F5: variants seen among roughly 807,000 people sequenced by gnomAD.
The protein encoded by F5 is activated protein c cofactor.
F5 carries 138 observed loss-of-function variants against 216.4 expected under a neutral mutation model. The observed-to-expected ratio is 0.64, with a 90% CI of 0.56 to 0.73. The LOEUF is 0.73. F5 is among the 30% of genes least tolerant of loss of function. F5 has a pLI of 0.00. For synonymous variants in F5, 916 were observed against 930.7 expected (o/e 0.98, Z 0.29); for missense variants, 2,403 against 2,674.0 (o/e 0.90, Z 2.24).
At chr1:169,582,398 C>A in intron 2 of F5, 33 bp downstream of exon 2, 1 of 1,207,424 alleles carries the variant, frequency 8.3e-7, no homozygotes. Context: ...AGAAATTTAT[C>A]TTTAAAATTA....
intron 11 of F5, among the ~76,000 whole-genome samples, chr1:169,545,397 G>A (rs1659974000): frequency 6.6e-6 from 1 of 152,144 alleles, no homozygotes; most frequent in African/African-American, 2.4e-5. Context: ...AATAAAGTAA[G>A]TCTCATTAAT....
chr1:169,537,125 T>G lies in F5; in HGVS notation c.4797-445A>C, dbSNP rs368836451. 3.1e-4 allele frequency among the ~76,000 whole-genome samples: 47 copies of G among 152,136 alleles called. 1 individual carries two copies. In the East Asian group the frequency reaches 4.8e-3, roughly 16 times the overall value. ...AGTTTGCTCATAGTACTCTCTCCAGTGGTAAGCACATTATCTGACACACAG... is the reference window on the plus strand; with the variant it reads ...AGTTTGCTCATAGTACTCTCTCCAGGGGTAAGCACATTATCTGACACACAG... On this transcript the variant is annotated intron_variant, in intron 13 of 24. Transcript: ENST00000367797.
chr1:169,539,628 G>T (rs1387185451), intron 13 of F5, among the ~76,000 whole-genome samples: 5 of 152,194 alleles, frequency 3.3e-5, no homozygotes, highest in African/African-American at 9.7e-5. Context: ...TTACACTTTG[G>T]TTTTTTAAGT....
rs1660005351 is a variant in F5, at chr1:169,546,520, T to G, written c.1684A>C (p.Asn562His). 1.2e-6 allele frequency: 2 copies of G among 1,614,058 alleles called. No individual in the cohort carries two copies. The highest frequency in any genetic ancestry group is 2.7e-5 in the African/African-American group (2 of 74,908). ...DENKSWYLEDNINKFCENPDE... is the reference protein window; with the variant it reads ...DENKSWYLEDHINKFCENPDE... ...GGATTTTCACAAAACTTGTTGATGT[T>G]GTCCTCAAGGTACCAGCTTTTGTTC... The change falls in exon 11 of 25, where the codon AAC becomes CAC. Residue 562 changes from asparagine (N) to histidine (H), a missense_variant. By Grantham distance (68) the Asn-to-His change is moderately conservative. Coordinates refer to ENST00000367797, the MANE Select transcript of F5 (RefSeq NM_000130.5).
intron 19 of F5, among the ~76,000 whole-genome samples, chr1:169,524,395 G>A (rs1368034783): frequency 6.6e-6 from 1 of 152,190 alleles, no homozygotes; most frequent in Non-Finnish European, 1.5e-5. Flanking sequence ...TGGCTGATAA[G>A]ACCCTGTGAA....
chr1:169,531,148 C>T (rs1659588349), intron 14 of F5, 126 bp from the exon 15 acceptor site: 2 of 724,992 alleles, frequency 2.8e-6, no homozygotes, highest in Non-Finnish European at 4.8e-6. Flanking sequence ...TACAAAATAA[C>T]TTATGTATAT....
chr1:169,549,926 T>C lies in F5; in HGVS notation c.1486A>G (p.Asn496Asp), dbSNP rs778260957. The C allele has an allele frequency of 1.2e-6, 2 of 1,614,166 alleles. No individual in the cohort carries two copies. The highest frequency in any genetic ancestry group is 2.2e-5 in the South Asian group (2 of 91,080). The change falls in exon 10 of 25, where the codon AAT becomes GAT. Residue 496 changes from asparagine (N) to aspartate (D), a missense_variant. By Grantham distance (23) the Asn-to-Asp change is conservative (BLOSUM62 1). This residue lies in a region of F5 where 1,425 missense variants were observed against 1,554.8 expected (regional missense o/e 0.92). Coordinates refer to ENST00000367797, the MANE Select transcript of F5 (RefSeq NM_000130.5). The stretch of plus-strand genomic sequence containing the variant: ...GGTCTTGTTAAGCACTGGGCATCAT[T>C]TTCTGTGGGTTCATCAAACTCTAAG... ...NILEFDEPTE[N>D]DAQCLTRPYY...
chr1:169,513,605 A>G lies in F5; in HGVS notation c.*708T>C, dbSNP rs1444062758. Among the ~76,000 whole-genome samples, 2 of 152,076 alleles carry G rather than the reference A, an allele frequency of 1.3e-5. No homozygotes were observed. Among genetic ancestry groups the G allele is most frequent in the Admixed American group, 6.6e-5 (1 of 15,248 alleles). ...CCAGTAGGTGAAATTATGTTTTGAA[A>G]CTGTGTGCCATGTAGTACCAGCTAG... is the stretch of plus-strand genomic sequence containing the variant. On this transcript the variant is annotated 3_prime_UTR_variant, in exon 25 of 25. Transcript: ENST00000367797.
At chr1:169,583,313 G>A (rs879945006) in intron 1 of F5, among the ~76,000 whole-genome samples, 1 of 152,218 alleles carries the variant, frequency 6.6e-6, no homozygotes, top group Non-Finnish European at 1.5e-5. Flanking sequence ...CCTTGCAAAT[G>A]TCTAAATCAG....
At chr1:169,523,697 AT>A in intron 20 of F5, 103 bp downstream of exon 20, 1 of 1,070,058 alleles carries the variant, frequency 9.3e-7, no homozygotes, top group East Asian at 2.4e-5. Context: ...AGTACTTGCT[AT>A]TTCCCCTAAC....
chr1:169,580,078 T>TA (rs1166414434), intron 2 of F5, among the ~76,000 whole-genome samples: 1 of 152,186 alleles, frequency 6.6e-6, no homozygotes, highest in African/African-American at 2.4e-5. Context: ...TGCCTTGGTT[T>TA]AAAATGCATC....
At chr1:169,558,655 C>T (rs1318388180) in intron 5 of F5, among the ~76,000 whole-genome samples, 1 of 152,080 alleles carries the variant, frequency 6.6e-6, no homozygotes, top group Non-Finnish European at 1.5e-5. Context: ...ATGATTTTGC[C>T]TTCTCATAAG....
In F5 at chr1:169,520,503, G is replaced by T. The variant is rs1659272148; in HGVS notation, c.6193+17C>A. On this transcript the variant is annotated intron_variant, in intron 22 of 24. Transcript: ENST00000367797. ...CTTTGAGTGGCAGTGAGAAAATAATGCATCTTTGTACCTTACCATTTACCT... is the reference window on the plus strand; with the variant it reads ...CTTTGAGTGGCAGTGAGAAAATAATTCATCTTTGTACCTTACCATTTACCT... 6.2e-7 allele frequency: 1 copy of T among 1,613,750 alleles called. No homozygotes were observed. Among genetic ancestry groups the T allele is most frequent in the Middle Eastern group, 1.7e-4 (1 of 6,056 alleles).
chr1:169,540,652 C>T lies in F5; in HGVS notation c.4438G>A (p.Glu1480Lys), dbSNP rs777605221. ...CCAAGGTCTGGATAAGGAAAAGACT[C>T]ATTAAATTCTTGAAGAAGCAATGAC... The part of the protein sequence containing the change: ...SQSLLLQEFN[E>K]SFPYPDLGQM... The change falls in exon 13 of 25, where the codon GAG becomes AAG. Residue 1480 changes from glutamate (E) to lysine (K), a missense_variant. Coordinates refer to ENST00000367797, the MANE Select transcript of F5 (RefSeq NM_000130.5). The T allele has an allele frequency of 6.2e-6, 10 of 1,613,770 alleles. No homozygotes were observed. In the African/African-American group the frequency reaches 1.2e-4, roughly 19 times the overall value.
intron 21 of F5, 59 bp downstream of exon 21, chr1:169,523,138 A>G: frequency 6.4e-7 from 1 of 1,573,048 alleles, no homozygotes; most frequent in Non-Finnish European, 8.8e-7. Context: ...AGGTATAGTC[A>G]TAATAATTCT....
chr1:169,569,717 G>C (rs1321013041), intron 3 of F5, among the ~76,000 whole-genome samples: 1 of 152,050 alleles, frequency 6.6e-6, no homozygotes, highest in Non-Finnish European at 1.5e-5. Flanking sequence ...ATCACCGTTT[G>C]TCCATTCTGT....
intron 5 of F5, among the ~76,000 whole-genome samples, chr1:169,557,606 A>G (rs965253894): frequency 6.6e-6 from 1 of 152,108 alleles, no homozygotes; most frequent in African/African-American, 2.4e-5. Context: ...TTGCTCCTAC[A>G]GTCACTGGGA....
In F5 at chr1:169,542,160, TTC is replaced by T. The variant is rs758005306; in HGVS notation, c.2928_2929del (p.Asn977CysfsTer26). On this transcript the variant is annotated frameshift_variant, in exon 13 of 25. Transcript: ENST00000367797. LOFTEE classifies it high-confidence loss of function. ...GCTTTCTCCCCAAGCACGTGAGGCATTCTGGGGGCTGATCAGCCAATTGTTAA... is the reference window on the plus strand; with the variant it reads ...GCTTTCTCCCCAAGCACGTGAGGCATTGGGGGCTGATCAGCCAATTGTTAA... The T allele has an allele frequency of 6.2e-7, 1 of 1,614,064 alleles. No homozygotes were observed. The highest frequency in any genetic ancestry group is 8.5e-7 in the Non-Finnish European group (1 of 1,179,968).
In F5 at chr1:169,541,587, G is replaced by A; in HGVS notation, c.3503C>T (p.Thr1168Ile). The change falls in exon 13 of 25, where the codon ACA becomes ATA. Residue 1168 changes from threonine to isoleucine, a missense_variant. Thr to Ile is a moderately conservative substitution (Grantham distance 89). Transcript: ENST00000367797. Reference sequence around the variant, plus strand: ...GGAAGGGGACATTTGACTTATATCTGTGGGGAAGGACTTGTGACTTCGGTC... The same window carrying A: ...GGAAGGGGACATTTGACTTATATCTATGGGGAAGGACTTGTGACTTCGGTC... ...EYDRSHKSFP[T>I]DISQMSPSSE... 6.2e-7 allele frequency: 1 copy of A among 1,614,168 alleles called. No individual in the cohort carries two copies. The highest frequency in any genetic ancestry group is 8.5e-7 in the Non-Finnish European group (1 of 1,180,004).
Sources: gnomAD v4.1 joint callset for allele counts (sites outside exome capture counted in the v4.1 genomes callset) on GRCh38, gnomAD v4.1.1 for gene constraint, gnomAD v4.1.1 regional missense constraint, MANE v1.5 for transcripts, NCBI Gene and HGNC (gene_info 2026-07-23, HGNC 2026-07-21) for gene names.